The following PCCA variants were observed in gnomAD, a reference collection of about 807,000 sequenced individuals.
PCCA encodes the protein propionyl-CoA carboxylase alpha chain, mitochondrial.
A neutral mutation model predicts 101.3 loss-of-function variants in PCCA; 74 were observed. The ratio of observed to expected loss-of-function variants is 0.73; its 90% CI spans 0.61 to 0.89. The LOEUF is 0.89. Ranked by LOEUF, PCCA falls within the 40% of genes least tolerant of loss-of-function variation. PCCA has a pLI of 0.00. For synonymous variants in PCCA, 294 were observed against 313.6 expected (o/e 0.94, Z 0.66); for missense variants, 891 against 907.0 (o/e 0.98, Z 0.23).
intron 6 of PCCA, among the ~76,000 whole-genome samples, chr13:100,182,098 C>CTTTT (rs558498604): frequency 1.4e-4 from 15 of 105,468 alleles, no homozygotes; most frequent in Admixed American, 2.1e-4. Flanking sequence ...TTTTCTTTTT[C>CTTTT]TTTTTTTTTT....
intron 11 of PCCA, among the ~76,000 whole-genome samples, chr13:100,271,991 A>G (rs186261026): frequency 4.9e-4 from 75 of 152,344 alleles, no homozygotes; most frequent in African/African-American, 1.6e-3. Flanking sequence ...AATCCTGCTC[A>G]TTTGAGAATA....
chr13:100,372,671 TC>T (rs2075645517), intron 19 of PCCA, among the ~76,000 whole-genome samples: 1 of 152,052 alleles, frequency 6.6e-6, no homozygotes, highest in African/African-American at 2.4e-5. Flanking sequence ...CAGAGTACAA[TC>T]AACAGAGTGA....
In PCCA at chr13:100,425,668, C is replaced by A; in HGVS notation, c.1782C>A (p.Ser594Arg). Residue 594 changes from serine (S) to arginine (R), a missense_variant, in exon 20 of 24, where the codon AGC (serine) becomes AGA (arginine). Coordinates refer to ENST00000376285, the MANE Select transcript of PCCA (RefSeq NM_000282.4). Reference protein sequence around the residue: ...EVDGSKLNVTSTWNLASPLLS... With the variant: ...EVDGSKLNVTRTWNLASPLLS... ...ATGGGTCGAAACTAAATGTGACCAG[C>A]ACGTGGAACCTGGCTTCGCCCTTAT... 1.2e-6 allele frequency: 2 copies of A among 1,613,988 alleles called. No homozygotes were observed. The highest frequency in any genetic ancestry group is 1.7e-6 in the Non-Finnish European group (2 of 1,179,834).
At chr13:100,209,497 C>T (rs1008551558) in intron 7 of PCCA, 34 bp downstream of exon 7, 7 of 1,581,074 alleles carry the variant, frequency 4.4e-6, no homozygotes, top group Non-Finnish European at 6.1e-6. Context: ...TTGTATATGT[C>T]TTCAAGTTAA....
At chr13:100,348,728 CTTTCTTTCTTTCTTTCTTTCTTTCTTT>C in intron 18 of PCCA, among the ~76,000 whole-genome samples, 1 of 65,240 alleles carries the variant, frequency 1.5e-5, no homozygotes, top group African/African-American at 7.9e-5. Flanking sequence ...GTTTTTTTTC[CTTTCTTTCTTTCTTTCTTTCTTTCTTT>C]CTTTCTTTCT....
chr13:100,445,977 T>C (rs2080796703), intron 20 of PCCA, among the ~76,000 whole-genome samples: 1 of 152,206 alleles, frequency 6.6e-6, no homozygotes, highest in Non-Finnish European at 1.5e-5. Context: ...TTTAATGTTT[T>C]GAGAAACCTC....
At chr13:100,333,907 A>C (rs2070026764) in intron 17 of PCCA, among the ~76,000 whole-genome samples, 1 of 152,230 alleles carries the variant, frequency 6.6e-6, no homozygotes, top group Admixed American at 6.5e-5. Flanking sequence ...TCAATCATTA[A>C]AGTCATTCAA....
At chr13:100,312,955 C>T (rs1413269219) in intron 16 of PCCA, among the ~76,000 whole-genome samples, 1 of 152,156 alleles carries the variant, frequency 6.6e-6, no homozygotes, top group Non-Finnish European at 1.5e-5. Context: ...TTTTTCTTGA[C>T]ACATTTCTCT....
At chr13:100,267,123 A>G (rs776774722) in intron 10 of PCCA, among the ~76,000 whole-genome samples, 1 of 152,206 alleles carries the variant, frequency 6.6e-6, no homozygotes, top group Non-Finnish European at 1.5e-5. Flanking sequence ...TTGATTCTGT[A>G]TATGAATCTG....
intron 20 of PCCA, among the ~76,000 whole-genome samples, chr13:100,430,157 C>A (rs1350063906): frequency 6.6e-6 from 1 of 151,946 alleles, no homozygotes; most frequent in Non-Finnish European, 1.5e-5. Context: ...TGCCTGTAAT[C>A]CCAGCTACTC....
At chr13:100,309,679 T>C (rs781713041) in intron 15 of PCCA, among the ~76,000 whole-genome samples, 154 bp from the exon 16 acceptor site, 2 of 152,166 alleles carry the variant, frequency 1.3e-5, no homozygotes, top group Non-Finnish European at 2.9e-5. Flanking sequence ...ACTTAAAAAA[T>C]CATAATTGAC....
intron 4 of PCCA, among the ~76,000 whole-genome samples, chr13:100,140,056 C>A (rs1043870186): frequency 1.3e-5 from 2 of 152,172 alleles, no homozygotes; most frequent in African/African-American, 4.8e-5. Flanking sequence ...TACATCCATA[C>A]ATGCCCAACC....
At chr13:100,518,528 A>G (rs576580283) in intron 22 of PCCA, among the ~76,000 whole-genome samples, 1 of 152,332 alleles carries the variant, frequency 6.6e-6, no homozygotes, top group African/African-American at 2.4e-5. Flanking sequence ...TAACTTTTTC[A>G]GTGTCTGTTA....
rs148755795 is a variant in PCCA, at chr13:100,524,155, C to T, written c.2041-3520C>T. Among the ~76,000 whole-genome samples the T allele has an allele frequency of 8.7e-3, 1,328 of 152,352 alleles. 18 individuals carry two copies. Among genetic ancestry groups the T allele is most frequent in the African/African-American group, 0.029 (1,217 of 41,580 alleles). Reference sequence around the variant, plus strand: ...CAAAGTCCTAAGGTGAGAGCCCCTGCTCCCAAGGGCCGAGTGCTGGCATTT... The same window carrying T: ...CAAAGTCCTAAGGTGAGAGCCCCTGTTCCCAAGGGCCGAGTGCTGGCATTT... On this transcript the variant is annotated intron_variant, in intron 22 of 23. Transcript: ENST00000376285.
intron 21 of PCCA, among the ~76,000 whole-genome samples, chr13:100,477,139 T>C (rs1276654425): frequency 6.6e-6 from 1 of 152,204 alleles, no homozygotes; most frequent in Non-Finnish European, 1.5e-5. Context: ...CTTGGCCTCA[T>C]TTACGCTCTC....
At chr13:100,293,274 A>G (rs758526390) in intron 12 of PCCA, 1 of 471,464 alleles carries the variant, frequency 2.1e-6, no homozygotes, top group South Asian at 1.5e-5. Flanking sequence ...AATTGTTGAA[A>G]TTCTGTGAAG....
chr13:100,157,330 C>A lies in PCCA; in HGVS notation c.458C>A (p.Ala153Asp). The change falls in exon 6 of 24, where the codon GCC becomes GAC. Residue 153 changes from alanine (A) to aspartate (D), a missense_variant. Ala to Asp is a moderately radical substitution (Grantham distance 126). Coordinates refer to ENST00000376285, the MANE Select transcript of PCCA (RefSeq NM_000282.4). ...TTCCTTTCAGAAAACAAAGAATTTG[C>A]CAGATGTTTGGTAAGTTGGTAATGA... ...YGFLSENKEF[A>D]RCLAAEDVVF... 6.2e-7 allele frequency: 1 copy of A among 1,608,642 alleles called. No individual in the cohort carries two copies. Among genetic ancestry groups the A allele is most frequent in the Non-Finnish European group, 8.5e-7 (1 of 1,175,378 alleles).
intron 6 of PCCA, among the ~76,000 whole-genome samples, chr13:100,172,941 TGAA>T (rs2055848858): frequency 6.6e-6 from 1 of 152,174 alleles, no homozygotes; most frequent in South Asian, 2.1e-4. Context: ...ATGCTACCTC[TGAA>T]GAAGAGATTA....
chr13:100,105,676 AAAAC>A (rs2047696907), intron 2 of PCCA, among the ~76,000 whole-genome samples: 1 of 149,422 alleles, frequency 6.7e-6, no homozygotes, highest in Admixed American at 6.7e-5. Context: ...AAAAAAAAAA[AAAAC>A]ACCCCACAAA....
Sources: allele counts gnomAD v4.1 joint callset (sites outside exome capture counted in the v4.1 genomes callset), GRCh38; gene constraint gnomAD v4.1.1; transcripts MANE v1.5; gene names NCBI Gene and HGNC (gene_info 2026-07-23, HGNC 2026-07-21).